The following RUNDC3B variants were observed in gnomAD, a reference collection of about 807,000 sequenced individuals.
RUNDC3B encodes the protein RUN domain-containing protein 3B.
Under a neutral mutation model 58.4 loss-of-function variants are expected in RUNDC3B, and 33 were observed. The observed-to-expected ratio is 0.56, with a 90% confidence interval of 0.43 to 0.75. The LOEUF (loss-of-function observed/expected upper bound fraction) is 0.75, where lower values mean the gene tolerates loss of function less well. RUNDC3B is among the 30% of genes least tolerant of loss of function. The pLI, the probability that RUNDC3B is intolerant of heterozygous loss-of-function variation, is 0.00. For missense variants in RUNDC3B, 501 were observed against 535.7 expected (o/e 0.94, Z 0.64); for synonymous variants, 193 against 195.2 (o/e 0.99, Z 0.10).
chr7:87,722,269 A>G (rs1418236201), intron 4 of RUNDC3B, among the ~76,000 whole-genome samples: 2 of 152,010 alleles, frequency 1.3e-5, no homozygotes, highest in Non-Finnish European at 2.9e-5. Flanking sequence ...ATTATTAACT[A>G]TTGTCACCAT....
chr7:87,694,223 C>T (rs190797065), intron 2 of RUNDC3B, among the ~76,000 whole-genome samples: 15 of 151,840 alleles, frequency 9.9e-5, no homozygotes, highest in Admixed American at 1.3e-4. Flanking sequence ...ATAAATATTA[C>T]GTGTGAAGTA....
chr7:87,798,154 C>A (rs1008192562), intron 8 of RUNDC3B, among the ~76,000 whole-genome samples: 1 of 152,216 alleles, frequency 6.6e-6, no homozygotes, highest in African/African-American at 2.4e-5. Context: ...CCCTTCCTTA[C>A]TCTTCTGTCA....
intron 1 of RUNDC3B, among the ~76,000 whole-genome samples, chr7:87,639,008 C>G (rs1378691333): frequency 1.3e-5 from 2 of 151,926 alleles, no homozygotes; most frequent in Admixed American, 6.6e-5. Flanking sequence ...AAAAATTAGC[C>G]AGGCGTGATG....
chr7:87,629,052 G>GC (rs1230882880), intron 1 of RUNDC3B, 107 bp downstream of exon 1: 2 of 1,084,604 alleles, frequency 1.8e-6, no homozygotes, highest in Non-Finnish European at 2.4e-6. Context: ...GCCGCCCAGT[G>GC]CCCCCGCCTA....
At chr7:87,646,764 T>C (rs142138547) in intron 1 of RUNDC3B, among the ~76,000 whole-genome samples, 3 of 152,320 alleles carry the variant, frequency 2.0e-5, no homozygotes, top group Admixed American at 6.5e-5. Context: ...TATTCTTGTG[T>C]ATTGTCACTG....
intron 1 of RUNDC3B, among the ~76,000 whole-genome samples, chr7:87,643,213 TCTTC>T (rs1822625220): frequency 6.6e-6 from 1 of 152,220 alleles, no homozygotes; most frequent in Admixed American, 6.5e-5. Context: ...GGCCCTGCTT[TCTTC>T]CTTTATTTTT....
At chr7:87,776,859 T>C (rs143747197) in intron 7 of RUNDC3B, among the ~76,000 whole-genome samples, 114 of 152,142 alleles carry the variant, frequency 7.5e-4, no homozygotes, top group African/African-American at 2.7e-3. Flanking sequence ...TAATGACACA[T>C]GAATAGGATA....
chr7:87,733,597 G>A (rs1295788103), intron 4 of RUNDC3B, among the ~76,000 whole-genome samples: 1 of 152,218 alleles, frequency 6.6e-6, no homozygotes, highest in Non-Finnish European at 1.5e-5. Context: ...AACAGGGACT[G>A]GTTTTGTGGA....
At chr7:87,723,248 G>A (rs1330167706) in intron 4 of RUNDC3B, among the ~76,000 whole-genome samples, 1 of 152,060 alleles carries the variant, frequency 6.6e-6, no homozygotes, top group Non-Finnish European at 1.5e-5. Flanking sequence ...ATAAAGAAAT[G>A]TCTGTCAGAA....
intron 8 of RUNDC3B, among the ~76,000 whole-genome samples, chr7:87,794,230 A>G (rs2130911613): frequency 6.6e-6 from 1 of 152,226 alleles, no homozygotes; most frequent in African/African-American, 2.4e-5. Context: ...AGGTCAAGAG[A>G]TCAAGATCAT....
intron 6 of RUNDC3B, among the ~76,000 whole-genome samples, chr7:87,754,420 CTG>C (rs1365010835): frequency 6.6e-6 from 1 of 152,168 alleles, no homozygotes; most frequent in Non-Finnish European, 1.5e-5. Context: ...ATACCAGAAT[CTG>C]TGGGACAGAG....
At chr7:87,821,749 C>T (rs200477650) in intron 10 of RUNDC3B, among the ~76,000 whole-genome samples, 7 of 152,112 alleles carry the variant, frequency 4.6e-5, no homozygotes, top group African/African-American at 1.4e-4. Flanking sequence ...TATCTACAAC[C>T]ATCTGATCTT....
In RUNDC3B at chr7:87,763,517, T is replaced by G. The variant is rs568610371; in HGVS notation, c.630-7064T>G. On this transcript the variant is annotated intron_variant, in intron 6 of 10. Coordinates refer to ENST00000394654, the MANE Select transcript of RUNDC3B (RefSeq NM_001134405.2). ...TCTCATCCTCTTTTTAGGAAGATAA[T>G]TTTGCTGGATATGTGTCCTTGTATG... 4.0e-5 allele frequency among the ~76,000 whole-genome samples: 6 copies of G among 151,800 alleles called. No individual in the cohort carries two copies. In the East Asian group the frequency reaches 1.2e-3, roughly 29 times the overall value.
chr7:87,642,652 T>G (rs368731442), intron 1 of RUNDC3B, among the ~76,000 whole-genome samples: 2 of 152,000 alleles, frequency 1.3e-5, no homozygotes, highest in South Asian at 4.1e-4. Context: ...TTATTATACT[T>G]GAAGTTCTAG....
At chr7:87,819,533 A>G (rs1489898887) in intron 10 of RUNDC3B, among the ~76,000 whole-genome samples, 20 of 150,664 alleles carry the variant, frequency 1.3e-4, no homozygotes, top group Middle Eastern at 3.4e-3. Flanking sequence ...TGCACCAAGC[A>G]GACCTAATAG....
chr7:87,801,260 C>A (rs1836137698), intron 8 of RUNDC3B, among the ~76,000 whole-genome samples: 1 of 151,968 alleles, frequency 6.6e-6, no homozygotes, highest in Non-Finnish European at 1.5e-5. Context: ...CCCACGTGAC[C>A]AAGGAATAGA....
At chr7:87,746,439 C>T (rs1054291795) in intron 6 of RUNDC3B, among the ~76,000 whole-genome samples, 3 of 152,130 alleles carry the variant, frequency 2.0e-5, no homozygotes, top group Non-Finnish European at 1.5e-5. Flanking sequence ...TATTGTGTTG[C>T]TGTCTATCTC....
rs180768637 is a variant in RUNDC3B at position 87,765,451 on chromosome 7, C to A, written c.630-5130C>A. 8.3e-3 allele frequency among the ~76,000 whole-genome samples: 1,267 copies of A among 152,132 alleles called. 10 individuals are homozygous for A. The highest frequency in any genetic ancestry group is 0.014 in the Admixed American group (221 of 15,266). On this transcript the variant is annotated intron_variant, in intron 6 of 10. Coordinates refer to ENST00000394654, the MANE Select transcript of RUNDC3B (RefSeq NM_001134405.2). ...GGCATTTAGTGCTATAAACTTTCCT[C>A]TTAGCCCTGTTTTTGCCATATCCCA...
At chr7:87,682,588 A>G (rs1827035411) in intron 2 of RUNDC3B, among the ~76,000 whole-genome samples, 2 of 152,200 alleles carry the variant, frequency 1.3e-5, no homozygotes, top group South Asian at 4.1e-4. Context: ...GACTAGGTGC[A>G]TTGTCAATGA....
Sources: gnomAD v4.1 joint callset for allele counts (sites outside exome capture counted in the v4.1 genomes callset) on GRCh38, gnomAD v4.1.1 for gene constraint, MANE v1.5 for transcripts, NCBI Gene and HGNC (gene_info 2026-07-23, HGNC 2026-07-21) for gene names.